Variants in DIAPH2 observed in about 807,000 individuals in gnomAD.
DIAPH2 encodes protein diaphanous homolog 2.
Under a neutral mutation model 92.7 loss-of-function variants are expected in DIAPH2, and 35 were observed. That is an observed-to-expected ratio of 0.38 (90% confidence interval 0.29 to 0.50). The LOEUF (loss-of-function observed/expected upper bound fraction) is 0.50. DIAPH2 is among the 20% of genes least tolerant of loss of function. The pLI is 0.94. For synonymous variants in DIAPH2, 301 were observed against 280.4 expected (o/e 1.07, Z -0.73); for missense variants, 701 against 819.5 (o/e 0.86, Z 1.77).
At chrX:97,501,717 T>C (rs2070799189) in intron 26 of DIAPH2, among the ~76,000 whole-genome samples, 1 of 112,338 alleles carries the variant, frequency 8.9e-6, no homozygotes, top group Admixed American at 9.4e-5. Context: ...ACATGCCTTT[T>C]AATAAAGCGG....
intron 4 of DIAPH2, among the ~76,000 whole-genome samples, chrX:96,760,245 T>C (rs1465789577): frequency 8.9e-6 from 1 of 111,899 alleles, no homozygotes; most frequent in Non-Finnish European, 1.9e-5. Context: ...ATGTTTTCTA[T>C]CATTAAAACC....
chrX:96,724,996 C>T lies in DIAPH2; in HGVS notation c.133-10762C>T, dbSNP rs780051518. On this transcript the variant is annotated intron_variant, in intron 1 of 26. Transcript: ENST00000324765. ...CTAAGTATAGTTGCTGATTTATTTG[C>T]AGCTCTTACTCCACTTCAATTATTT... 2.7e-5 allele frequency among the ~76,000 whole-genome samples: 3 copies of T among 111,392 alleles called. No individual in the cohort carries two copies. The South Asian group carries it at 1.1e-3, about 42-fold the overall frequency.
At chrX:97,349,026 A>T (rs1254078746) in intron 24 of DIAPH2, among the ~76,000 whole-genome samples, 1 of 107,031 alleles carries the variant, frequency 9.3e-6, no homozygotes, top group Non-Finnish European at 1.9e-5. Context: ...ATATGTGTAT[A>T]TATATGTGTG....
At chrX:96,901,750 G>T (rs1453869545) in intron 5 of DIAPH2, among the ~76,000 whole-genome samples, 1 of 108,920 alleles carries the variant, frequency 9.2e-6, no homozygotes, top group East Asian at 2.9e-4. Flanking sequence ...GGCCAGGCTG[G>T]TCTCGAACTC....
At chrX:97,581,381 G>A (rs372961103) in intron 26 of DIAPH2, among the ~76,000 whole-genome samples, 16 of 48,560 alleles carry the variant, frequency 3.3e-4, no homozygotes, top group East Asian at 8.3e-4. Context: ...CTTTGTTCTC[G>A]TTGGTTTCAA....
intron 5 of DIAPH2, among the ~76,000 whole-genome samples, chrX:96,888,571 A>ATTATATATC (rs2065282416): frequency 2.2e-5 from 2 of 90,968 alleles, no homozygotes; most frequent in African/African-American, 8.6e-5. Flanking sequence ...ATATACACAG[A>ATTATATATC]TATATATATC....
Position 97,234,918 on chromosome X carries a change from T to C in DIAPH2, c.2720-12797T>C, listed in dbSNP as rs190903054. On this transcript the variant is annotated intron_variant, in intron 22 of 26. Transcript: ENST00000324765. ...CATTATCTCATAGTACTTGTATTAG[T>C]GAACATTTTCACTTTCCTTTCCCTT... Among the ~76,000 whole-genome samples, 237 of 112,374 alleles carry C rather than the reference T, an allele frequency of 2.1e-3. 2 individuals carry two copies. Among genetic ancestry groups the C allele is most frequent in the African/African-American group, 7.1e-3 (221 of 31,039 alleles).
chrX:96,955,291 A>G (rs1382146229), intron 15 of DIAPH2, among the ~76,000 whole-genome samples: 6 of 111,731 alleles, frequency 5.4e-5, no homozygotes, highest in African/African-American at 2.0e-4. Flanking sequence ...ATCTTCGGAG[A>G]ACTCAGAATT....
chrX:97,469,691 C>T (rs898204704), intron 26 of DIAPH2: 1 of 1,201,810 alleles, frequency 8.3e-7, no homozygotes, highest in African/African-American at 1.8e-5. Flanking sequence ...TTCTTTTCTG[C>T]AGTGGTAAAT....
intron 21 of DIAPH2, among the ~76,000 whole-genome samples, chrX:97,126,944 A>G (rs1296308359): frequency 8.9e-6 from 1 of 112,583 alleles, no homozygotes; most frequent in Admixed American, 9.4e-5. Context: ...TGAATTTTAA[A>G]TCTGAATTAT....
At chrX:97,381,007 T>C (rs2069545960) in intron 24 of DIAPH2, among the ~76,000 whole-genome samples, 1 of 111,779 alleles carries the variant, frequency 8.9e-6, no homozygotes, top group Non-Finnish European at 1.9e-5. Context: ...TATTACTTGT[T>C]CTGTTTTATC....
At chrX:97,056,239 T>G (rs966457796) in intron 17 of DIAPH2, among the ~76,000 whole-genome samples, 1 of 111,752 alleles carries the variant, frequency 8.9e-6, no homozygotes, top group African/African-American at 3.3e-5. Flanking sequence ...ATTTGACAGT[T>G]TTTTTGTTAT....
intron 4 of DIAPH2, among the ~76,000 whole-genome samples, chrX:96,859,404 A>G (rs1166425813): frequency 9.1e-6 from 1 of 110,202 alleles, no homozygotes; most frequent in Admixed American, 9.8e-5. Flanking sequence ...GACTTTATTG[A>G]ATTTAGCAAG....
chrX:96,891,340 T>TA (rs2065305583), intron 5 of DIAPH2, among the ~76,000 whole-genome samples: 2 of 112,353 alleles, frequency 1.8e-5, no homozygotes, highest in African/African-American at 6.5e-5. Context: ...TTTAACACTC[T>TA]AAAAATCCAT....
intron 22 of DIAPH2, among the ~76,000 whole-genome samples, chrX:97,152,592 A>C (rs1054925469): frequency 9.4e-6 from 1 of 106,951 alleles, no homozygotes; most frequent in African/African-American, 3.4e-5. Flanking sequence ...CCATGGCGGA[A>C]GGGTGGAGGG....
intron 17 of DIAPH2, among the ~76,000 whole-genome samples, chrX:97,025,620 C>T (rs1234862225): frequency 9.0e-6 from 1 of 111,116 alleles, no homozygotes; most frequent in Non-Finnish European, 1.9e-5. Flanking sequence ...CCACTGCACT[C>T]CAGCCTGGGC....
Position 97,570,075 on chromosome X carries a change from A to AAT in DIAPH2, c.3242-29131_3242-29130dup, listed in dbSNP as rs1164491863. 9.0e-3 allele frequency among the ~76,000 whole-genome samples: 109 copies of AAT among 12,092 alleles called. 1 individual carries two copies. The highest frequency in any genetic ancestry group is 0.016 in the East Asian group (5 of 316). The allele number at this position is 12,092 out of a possible 115,157, so 10.5% of individuals were successfully genotyped here. On this transcript the variant is annotated intron_variant, in intron 26 of 26. Transcript: ENST00000324765. ...ATTATACAAGTTCATAAGGCCTTCTAATATATATATATATATATATATATA... is the reference window on the plus strand; with the variant it reads ...ATTATACAAGTTCATAAGGCCTTCTAATATATATATATATATATATATATATA...
At chrX:97,036,146 A>T (rs888988652) in intron 17 of DIAPH2, among the ~76,000 whole-genome samples, 6 of 111,864 alleles carry the variant, frequency 5.4e-5, no homozygotes, top group Admixed American at 1.9e-4. Context: ...ATTTAAAAGA[A>T]TTTTTGATAA....
intron 17 of DIAPH2, among the ~76,000 whole-genome samples, chrX:96,977,492 A>G (rs753356872): frequency 1.8e-5 from 2 of 111,306 alleles, no homozygotes; most frequent in Non-Finnish European, 1.9e-5. Flanking sequence ...GCTTCATAAC[A>G]TTACAGACAC....
Sources: gnomAD v4.1 joint callset for allele counts (sites outside exome capture counted in the v4.1 genomes callset) on GRCh38, gnomAD v4.1.1 for gene constraint, MANE v1.5 for transcripts, NCBI Gene and HGNC (gene_info 2026-07-23, HGNC 2026-07-21) for gene names.